TINAG: variants seen among roughly 807,000 people sequenced by gnomAD.
TINAG encodes the protein tubulointerstitial nephritis antigen.
Under a neutral mutation model 72.7 loss-of-function variants are expected in TINAG, and 83 were observed. The observed-to-expected ratio is 1.14, with a 90% CI of 0.96 to 1.37. The LOEUF (loss-of-function observed/expected upper bound fraction) is 1.37. TINAG is among the 40% of genes most tolerant of loss of function. TINAG has a pLI of 0.00. For missense variants in TINAG, 685 were observed against 576.6 expected, an observed-to-expected ratio of 1.19 and a Z score of -1.93; for synonymous variants, 234 against 189.9, an observed-to-expected ratio of 1.23 and a Z score of -1.91.
chr6:54,365,846 G>A (rs900089594), intron 9 of TINAG, among the ~76,000 whole-genome samples: 1 of 151,522 alleles, frequency 6.6e-6, no homozygotes, highest in Non-Finnish European at 1.5e-5. Context: ...AGTCTTCACT[G>A]AGAAATTTAG....
chr6:54,370,249 A>G (rs1320978989), intron 9 of TINAG, among the ~76,000 whole-genome samples: 2 of 152,112 alleles, frequency 1.3e-5, no homozygotes, highest in East Asian at 3.9e-4. Flanking sequence ...AGTCCTGACA[A>G]ATATGATTTC....
intron 9 of TINAG, among the ~76,000 whole-genome samples, chr6:54,356,650 A>C (rs529085097): frequency 1.3e-5 from 2 of 152,056 alleles, no homozygotes; most frequent in Admixed American, 6.6e-5. Context: ...AAAGTTTGAC[A>C]AACAAAAATA....
At chr6:54,348,361 G>C (rs1181945442) in intron 6 of TINAG, among the ~76,000 whole-genome samples, 1 of 152,064 alleles carries the variant, frequency 6.6e-6, no homozygotes, top group East Asian at 1.9e-4. Flanking sequence ...TTTGTATTAT[G>C]ATAAAAAATA....
At chr6:54,312,794 A>G (rs1353708) in intron 1 of TINAG, among the ~76,000 whole-genome samples, 108,802 of 152,052 alleles carry the variant, frequency 0.72, 39,225 homozygotes, top group Middle Eastern at 0.85. Flanking sequence ...TCTGCGTGCA[A>G]GGTCTTGCAT....
At chr6:54,351,582 TG>T (rs1341317820) in intron 8 of TINAG, among the ~76,000 whole-genome samples, 185 bp downstream of exon 8, 1 of 151,914 alleles carries the variant, frequency 6.6e-6, no homozygotes, top group African/African-American at 2.4e-5. Context: ...CTTAATTAGC[TG>T]CCATTTTATT....
Position 54,308,505 on chromosome 6 carries a change from G to C in TINAG, c.-46G>C, listed in dbSNP as rs538894036. On this transcript the variant is annotated 5_prime_UTR_variant, in exon 1 of 11. Coordinates refer to ENST00000259782, the MANE Select transcript of TINAG (RefSeq NM_014464.4). ...CAAGGAGAAGCCCACAAGGCTAAGG[G>C]TATTGGATATAACGGAAAGTGGAAG... 6 of 1,516,530 alleles carry C rather than the reference G, an allele frequency of 4.0e-6. No individual in the cohort carries two copies. Among genetic ancestry groups the C allele is most frequent in the Non-Finnish European group, 5.4e-6 (6 of 1,116,112 alleles). The allele number at this position is 1,516,530 out of a possible 1,614,324, so 93.9% of individuals were successfully genotyped here.
intron 7 of TINAG, among the ~76,000 whole-genome samples, chr6:54,350,943 T>A (rs1014922952): frequency 6.6e-6 from 1 of 151,750 alleles, no homozygotes; most frequent in Non-Finnish European, 1.5e-5. Flanking sequence ...GTGCCCTGCC[T>A]CCCTACAGAG....
chr6:54,389,872 G>T lies in TINAG; in HGVS notation c.1378G>T (p.Glu460Ter), dbSNP rs1014547461. Residue 460 changes from glutamate (E) to a stop codon, truncating the protein, a stop_gained, in exon 11 of 11, where the codon GAA (glutamate) becomes TAA (stop). Transcript: ENST00000259782. LOFTEE classifies it high-confidence loss of function. ...ILRGVNESDI[E>*]KLIIAAWGQL... ...TCGAGGAGTAAATGAGTCCGACATT[G>T]AAAAGTTGATTATCGCAGCTTGGGG... 4.3e-6 allele frequency: 7 copies of T among 1,610,706 alleles called. No homozygotes were observed. The highest frequency in any genetic ancestry group is 1.3e-5 in the African/African-American group (1 of 74,690).
upstream of TINAG, chr6:54,308,072 G>A: frequency 1.3e-6 from 2 of 1,549,960 alleles, no homozygotes; most frequent in Non-Finnish European, 1.7e-6. Flanking sequence ...CCTCATGAGA[G>A]CCTGGATGTT....
Position 54,308,509 on chromosome 6 carries a change from T to C in TINAG, c.-42T>C. 1 of 1,533,406 alleles carries C rather than the reference T, an allele frequency of 6.5e-7. No homozygotes were observed. Among genetic ancestry groups the C allele is most frequent in the Non-Finnish European group, 8.8e-7 (1 of 1,130,146 alleles). 95.0% of individuals were successfully genotyped at this position (1,533,406 alleles called of 1,614,324 possible). ...GAGAAGCCCACAAGGCTAAGGGTAT[T>C]GGATATAACGGAAAGTGGAAGCTAT... On this transcript the variant is annotated 5_prime_UTR_variant, in exon 1 of 11. Transcript: ENST00000259782.
At chr6:54,388,828 A>G (rs1764172045) in intron 10 of TINAG, among the ~76,000 whole-genome samples, 1 of 152,062 alleles carries the variant, frequency 6.6e-6, no homozygotes, top group Non-Finnish European at 1.5e-5. Context: ...AAAAAAACAA[A>G]ACTAATTCCT....
Position 54,326,873 on chromosome 6 carries a change from C to T in TINAG, c.581C>T (p.Thr194Ile). ...LEDGFKFRLG[T>I]LPPSPMLLSM... ...GATGGTTTTAAATTTCGCCTTGGCACTTTGCCACCTAGTCCCATGCTCCTG... is the reference window on the plus strand; with the variant it reads ...GATGGTTTTAAATTTCGCCTTGGCATTTTGCCACCTAGTCCCATGCTCCTG... The change falls in exon 4 of 11, where the codon ACT becomes ATT. Residue 194 changes from threonine to isoleucine, a missense_variant. Coordinates refer to ENST00000259782, the MANE Select transcript of TINAG (RefSeq NM_014464.4). The T allele has an allele frequency of 6.2e-7, 1 of 1,613,182 alleles. No homozygotes were observed. The highest frequency in any genetic ancestry group is 8.5e-7 in the Non-Finnish European group (1 of 1,179,822).
chr6:54,343,299 G>T lies in TINAG; in HGVS notation c.698G>T (p.Gly233Val). 1 of 1,573,934 alleles carries T rather than the reference G, an allele frequency of 6.4e-7. No homozygotes were observed. The highest frequency in any genetic ancestry group is 1.4e-5 in the African/African-American group (1 of 73,778). ...TATAAATGGCCTGGATGGACTCATG[G>T]CCCATTGGATCAAAAAAATTGTGCT... is the stretch of plus-strand genomic sequence containing the variant. ...ASYKWPGWTH[G>V]PLDQKNCAAS... The change falls in exon 5 of 11, where the codon GGC (glycine) becomes GTC (valine). Residue 233 changes from glycine to valine, a missense_variant. Gly to Val is a moderately radical substitution (Grantham distance 109, BLOSUM62 -3). Coordinates refer to ENST00000259782, the MANE Select transcript of TINAG (RefSeq NM_014464.4).
rs774286723 is a variant in TINAG, at chr6:54,323,962, C to CA, written c.509+2583dup. 8.6e-5 allele frequency among the ~76,000 whole-genome samples: 13 copies of CA among 151,820 alleles called. No homozygotes were observed. The South Asian group carries it at 1.5e-3, about 17-fold the overall frequency. On this transcript the variant is annotated intron_variant, in intron 3 of 10. Transcript: ENST00000259782. ...GAGTGAGATTCTGTCTCAAACAAAA[C>CA]AAAAAAACAAATAATTTTTATGTTA...
At chr6:54,384,610 C>T (rs112496384) in intron 10 of TINAG, among the ~76,000 whole-genome samples, 5 of 151,904 alleles carry the variant, frequency 3.3e-5, no homozygotes, top group African/African-American at 7.2e-5. Flanking sequence ...ATGAAGATAA[C>T]GTGCCAACAT....
intron 9 of TINAG, among the ~76,000 whole-genome samples, chr6:54,358,959 T>C (rs1476988299): frequency 6.6e-6 from 1 of 151,742 alleles, no homozygotes; most frequent in Admixed American, 6.6e-5. Context: ...TAAGGGGAAA[T>C]TTTTCCTATT....
chr6:54,372,395 A>G (rs1763646377), intron 9 of TINAG, among the ~76,000 whole-genome samples: 1 of 151,982 alleles, frequency 6.6e-6, no homozygotes, highest in Non-Finnish European at 1.5e-5. Flanking sequence ...TTAGCTTAAT[A>G]CTTTTTGGTG....
Position 54,349,791 on chromosome 6 carries a change from G to T in TINAG, c.975G>T (p.Arg325Ser), listed in dbSNP as rs768636988. 103 of 1,606,712 alleles carry T rather than the reference G, an allele frequency of 6.4e-5. No individual in the cohort carries two copies. Among genetic ancestry groups the T allele is most frequent in the Non-Finnish European group, 7.9e-5 (93 of 1,175,588 alleles). ...ACAATGGATGTGCCATGGCAAGCAG[G>T]TCTGATGGGCGAGGAAAACGGCATG... ...ATNNGCAMAS[R>S]SDGRGKRHAT... Residue 325 changes from arginine to serine, a missense_variant, in exon 7 of 11, where the codon AGG becomes AGT. Transcript: ENST00000259782.
rs543744779 is a variant in TINAG at position 54,368,975 on chromosome 6, T to C, written c.1251-11551T>C. Among the ~76,000 whole-genome samples, 69 of 151,956 alleles carry C rather than the reference T, an allele frequency of 4.5e-4. No individual in the cohort carries two copies. In the South Asian group the frequency reaches 0.012, roughly 26 times the overall value. ...TTTATGATATACAATATATGAAATA[T>C]ATTCAGATATATTTTTAAATAATGT... is the stretch of plus-strand genomic sequence containing the variant. On this transcript the variant is annotated intron_variant, in intron 9 of 10. Coordinates refer to ENST00000259782, the MANE Select transcript of TINAG (RefSeq NM_014464.4).
Sources: gnomAD v4.1 joint callset for allele counts (sites outside exome capture counted in the v4.1 genomes callset) on GRCh38, gnomAD v4.1.1 for gene constraint, MANE v1.5 for transcripts, NCBI Gene and HGNC (gene_info 2026-07-23, HGNC 2026-07-21) for gene names.